The following UBASH3B variants were observed in gnomAD, a reference collection of about 807,000 sequenced individuals.
The protein encoded by UBASH3B is ubiquitin-associated and SH3 domain-containing protein B.
In UBASH3B, 37 loss-of-function variants were observed where a neutral mutation model predicts 83.4. The observed-to-expected ratio is 0.44, with a 90% CI of 0.34 to 0.58. The LOEUF is 0.58. UBASH3B is among the 20% of genes least tolerant of loss of function. UBASH3B has a pLI of 0.01. For missense variants in UBASH3B, 657 were observed against 827.2 expected (o/e 0.79, Z 2.52); for synonymous variants, 304 against 318.3 (o/e 0.96, Z 0.48).
intron 10 of UBASH3B, among the ~76,000 whole-genome samples, chr11:122,800,751 G>A (rs1861243875): frequency 6.6e-6 from 1 of 151,984 alleles, no homozygotes; most frequent in Non-Finnish European, 1.5e-5. Context: ...GGGACCACAA[G>A]TGCACGCCTC....
chr11:122,679,553 T>C (rs1221063949), intron 1 of UBASH3B, among the ~76,000 whole-genome samples: 1 of 152,164 alleles, frequency 6.6e-6, no homozygotes, highest in African/African-American at 2.4e-5. Flanking sequence ...CCTTAGGTGA[T>C]TGGTATGTAC....
rs550561388 is a variant in UBASH3B at position 122,758,540 on chromosome 11, G to A, written c.162-17679G>A. Among the ~76,000 whole-genome samples, 5 of 152,306 alleles carry A rather than the reference G, an allele frequency of 3.3e-5. No homozygotes were observed. The East Asian group carries it at 9.7e-4, about 29-fold the overall frequency. ...GTGGGGGCGGAGGGGGCACCCAGTG[G>A]CCGTAGAACACCGACCCTGTGCCAA... On this transcript the variant is annotated intron_variant, in intron 1 of 13. Transcript: ENST00000284273. This position sits in a 1 kb window ranked among gnomAD's most constrained non-coding sequence, Gnocchi z 4.2.
intron 1 of UBASH3B, among the ~76,000 whole-genome samples, chr11:122,732,346 G>A (rs535353093): frequency 2.0e-4 from 30 of 152,314 alleles, no homozygotes; most frequent in African/African-American, 6.7e-4. Flanking sequence ...CCTCTAACCA[G>A]GTTGTTATGA....
In UBASH3B at chr11:122,801,317, T is replaced by C. The variant is rs773043940; in HGVS notation, c.1580T>C (p.Val527Ala). ...PSELAAANLS[V>A]DTTYRPHIPI... ...GAGTTAGCTGCAGCCAACCTGAGTGTTGATACAACCTACAGGTAAGCCTCG... is the reference window on the plus strand; with the variant it reads ...GAGTTAGCTGCAGCCAACCTGAGTGCTGATACAACCTACAGGTAAGCCTCG... Residue 527 changes from valine to alanine, a missense_variant, in exon 11 of 14, where the codon GTT becomes GCT. Around this residue, in one of 3 missense-constraint regions of UBASH3B, gnomAD observed 573 missense variants for 739.0 expected, o/e 0.78. Coordinates refer to ENST00000284273, the MANE Select transcript of UBASH3B (RefSeq NM_032873.5). 3.1e-6 allele frequency: 5 copies of C among 1,614,152 alleles called. No homozygotes were observed. The highest frequency in any genetic ancestry group is 4.2e-6 in the Non-Finnish European group (5 of 1,180,026).
chr11:122,760,907 C>A (rs566561376), intron 1 of UBASH3B, among the ~76,000 whole-genome samples: 11 of 152,322 alleles, frequency 7.2e-5, no homozygotes, highest in African/African-American at 2.6e-4. Flanking sequence ...CTATACTGGT[C>A]ATCTCTTTAT....
chr11:122,685,222 T>C (rs1863794635), intron 1 of UBASH3B, among the ~76,000 whole-genome samples: 2 of 152,220 alleles, frequency 1.3e-5, no homozygotes, highest in Admixed American at 1.3e-4. Flanking sequence ...GTTTTTCTTC[T>C]TTATTTGCTT....
chr11:122,805,077 T>C (rs1304476325), intron 11 of UBASH3B, among the ~76,000 whole-genome samples: 2 of 152,214 alleles, frequency 1.3e-5, no homozygotes, highest in African/African-American at 2.4e-5. Flanking sequence ...TACCTGGGAC[T>C]GGGCAATTTA....
rs1861033880 is a variant in UBASH3B, at chr11:122,742,022, C to T, written c.162-34197C>T. Among the ~76,000 whole-genome samples, 2 of 152,186 alleles carry T rather than the reference C, an allele frequency of 1.3e-5. 1 individual carries two copies. The highest frequency in any genetic ancestry group is 4.1e-4 in the South Asian group (2 of 4,828). Reference sequence around the variant, plus strand: ...CTCTGGTCTGATGGTGGAGCAGAATCCTGAGGACCCCTCCCTACCTCCTCA... The same window carrying T: ...CTCTGGTCTGATGGTGGAGCAGAATTCTGAGGACCCCTCCCTACCTCCTCA... On this transcript the variant is annotated intron_variant, in intron 1 of 13. Coordinates refer to ENST00000284273, the MANE Select transcript of UBASH3B (RefSeq NM_032873.5).
intron 5 of UBASH3B, among the ~76,000 whole-genome samples, chr11:122,788,183 A>G (rs1293652914): frequency 6.6e-6 from 1 of 152,214 alleles, no homozygotes; most frequent in Non-Finnish European, 1.5e-5. Flanking sequence ...GCTGACATAG[A>G]CACTGATGTC....
At chr11:122,666,058 C>A (rs1162576592) in intron 1 of UBASH3B, among the ~76,000 whole-genome samples, 1 of 152,220 alleles carries the variant, frequency 6.6e-6, no homozygotes, top group Non-Finnish European at 1.5e-5. Context: ...GAAAGAACCA[C>A]CGCTGTAGCC....
intron 6 of UBASH3B, among the ~76,000 whole-genome samples, chr11:122,790,536 A>G (rs1360222413): frequency 6.6e-6 from 1 of 152,264 alleles, no homozygotes; most frequent in Non-Finnish European, 1.5e-5. Context: ...AAAGCAAAAT[A>G]TGCGTGAATA....
At chr11:122,781,633 A>G (rs767110176) in intron 4 of UBASH3B, among the ~76,000 whole-genome samples, 1 of 152,228 alleles carries the variant, frequency 6.6e-6, no homozygotes, top group Non-Finnish European at 1.5e-5. Context: ...GACCCTGCGC[A>G]GCTTAGCTGG....
intron 1 of UBASH3B, among the ~76,000 whole-genome samples, chr11:122,772,846 T>C (rs572766225): frequency 8.5e-5 from 13 of 152,306 alleles, no homozygotes; most frequent in Non-Finnish European, 1.8e-4. Flanking sequence ...TTTTACACTA[T>C]TTCTTTTTCA....
chr11:122,806,346 T>G lies in UBASH3B; in HGVS notation c.1596-64T>G. Reference sequence around the variant, plus strand: ...AATGCCTTGAAATAAAAGTTTAGAGTGATATCTTCCTTTGTCTCAAGATCA... The same window carrying G: ...AATGCCTTGAAATAAAAGTTTAGAGGGATATCTTCCTTTGTCTCAAGATCA... On this transcript the variant is annotated intron_variant, in intron 11 of 13. Coordinates refer to ENST00000284273, the MANE Select transcript of UBASH3B (RefSeq NM_032873.5). This position sits in a 1 kb window ranked among gnomAD's most constrained non-coding sequence, Gnocchi z 4.0. 2.9e-6 allele frequency: 4 copies of G among 1,365,288 alleles called. No homozygotes were observed. Among genetic ancestry groups the G allele is most frequent in the Non-Finnish European group, 3.1e-6 (3 of 982,954 alleles). The allele number at this position is 1,365,288 out of a possible 1,614,324, so 84.6% of individuals were successfully genotyped here. A position where few individuals can be genotyped will look rare whatever the true frequency, so the allele number is the denominator to read the frequency against.
intron 1 of UBASH3B, among the ~76,000 whole-genome samples, chr11:122,669,526 G>A (rs1863562682): frequency 1.3e-5 from 2 of 152,156 alleles, no homozygotes; most frequent in South Asian, 4.1e-4. Flanking sequence ...ATTAGGACAT[G>A]GACAGCTTTG....
At chr11:122,727,715 G>T (rs1860768128) in intron 1 of UBASH3B, 1 of 152,228 alleles carries the variant, frequency 6.6e-6, no homozygotes, top group African/African-American at 2.4e-5. Context: ...TGTTTATCTG[G>T]TTTCTTAGGT....
chr11:122,799,682 G>T (rs873590), intron 10 of UBASH3B, among the ~76,000 whole-genome samples: 47,264 of 151,962 alleles, frequency 0.31, 8,418 homozygotes, highest in African/African-American at 0.47. Flanking sequence ...GCCTCCTGTT[G>T]ACAGCAGCAA....
At chr11:122,753,498 T>C (rs1418168607) in intron 1 of UBASH3B, among the ~76,000 whole-genome samples, 3 of 10,472 alleles carry the variant, frequency 2.9e-4, no homozygotes, top group Non-Finnish European at 6.5e-4. Flanking sequence ...TTTTTCTTTC[T>C]TTTTTTTTTT....
chr11:122,779,648 T>A lies in UBASH3B; in HGVS notation c.554T>A (p.Leu185His). The A allele has an allele frequency of 6.2e-7, 1 of 1,614,174 alleles. No homozygotes were observed. Among genetic ancestry groups the A allele is most frequent in the Non-Finnish European group, 8.5e-7 (1 of 1,180,042 alleles). Residue 185 changes from leucine to histidine, a missense_variant, in exon 4 of 14, where the codon CTC becomes CAC. Physicochemically the swap from Leu to His is moderately conservative, Grantham distance 99 (BLOSUM62 -3). This residue lies in a region of UBASH3B where 573 missense variants were observed against 739.0 expected (regional missense o/e 0.78). Transcript: ENST00000284273. ...LFVKEDSAEV[L>H]KKFAADFAAE... ...GTAAAGGAAGACAGTGCGGAGGTCC[T>A]CAAGAAGTTTGCTGCTGACTTTGCT...
Sources: gnomAD v4.1 joint callset for allele counts (sites outside exome capture counted in the v4.1 genomes callset) on GRCh38, gnomAD v4.1.1 for gene constraint, gnomAD v4.1.1 regional missense constraint, Gnocchi (gnomAD v3.1) non-coding constraint, MANE v1.5 for transcripts, NCBI Gene and HGNC (gene_info 2026-07-23, HGNC 2026-07-21) for gene names.